TENM3: variants seen among roughly 807,000 people sequenced by gnomAD.
TENM3 encodes the protein teneurin-3.
Under a neutral mutation model 255.1 loss-of-function variants are expected in TENM3, and 63 were observed. The ratio of observed to expected loss-of-function variants is 0.25; its 90% CI spans 0.20 to 0.30. The LOEUF (loss-of-function observed/expected upper bound fraction) is 0.30. Among genes scored for constraint, TENM3 ranks in the 10% least tolerant of loss-of-function variants. The pLI is 1.00. For missense variants in TENM3, 2,929 were observed against 3,461.1 expected (o/e 0.85, Z 3.86); for synonymous variants, 1,306 against 1,322.3 (o/e 0.99, Z 0.27).
At chr4:182,632,551 C>T (rs1050661545) in intron 5 of TENM3, among the ~76,000 whole-genome samples, 1 of 152,116 alleles carries the variant, frequency 6.6e-6, no homozygotes, top group Non-Finnish European at 1.5e-5. Context: ...ATTTGTATTT[C>T]TCTTTTTGTG....
intron 4 of TENM3, among the ~76,000 whole-genome samples, chr4:182,612,479 C>T (rs1172561198): frequency 7.2e-5 from 11 of 152,048 alleles, no homozygotes; most frequent in Non-Finnish European, 1.5e-4. Context: ...CCACGATCAC[C>T]CATGCGTAAA....
At chr4:182,431,859 C>G (rs1771674004) in intron 3 of TENM3, among the ~76,000 whole-genome samples, 1 of 151,866 alleles carries the variant, frequency 6.6e-6, no homozygotes, top group Non-Finnish European at 1.5e-5. Flanking sequence ...GGCAGATCAC[C>G]TGAGGTCAGG....
chr4:181,464,848 G>T, the TENM3 span, among the ~76,000 whole-genome samples: 73,304 of 151,918 alleles, frequency 0.48, 18,620 homozygotes, highest in African/African-American at 0.64. Flanking sequence ...CTACTTGGGA[G>T]GCTGAGGCAG....
intron 3 of TENM3, among the ~76,000 whole-genome samples, chr4:182,457,654 C>T (rs929360618): frequency 6.0e-5 from 9 of 150,930 alleles, no homozygotes; most frequent in African/African-American, 2.2e-4. Context: ...AACTCCTAGG[C>T]ACAAGTGATC....
At chr4:181,908,057 GTATGTT>G in the TENM3 span, among the ~76,000 whole-genome samples, 8 of 151,886 alleles carry the variant, frequency 5.3e-5, no homozygotes, top group African/African-American at 1.7e-4. Context: ...TCAAATGGTC[GTATGTT>G]TATATTTTAT....
chr4:182,083,470 T>C, the TENM3 span, among the ~76,000 whole-genome samples: 1 of 152,198 alleles, frequency 6.6e-6, no homozygotes, highest in Non-Finnish European at 1.5e-5. Flanking sequence ...GTGTTATTGA[T>C]CACCTAATTT....
the TENM3 span, among the ~76,000 whole-genome samples, chr4:181,767,206 G>C: frequency 1.3e-4 from 19 of 147,246 alleles, no homozygotes; most frequent in East Asian, 2.4e-3. Context: ...GAGCCGAGAA[G>C]GTGCCACTGC....
the TENM3 span, among the ~76,000 whole-genome samples, chr4:181,930,807 C>T: frequency 2.0e-5 from 3 of 152,166 alleles, no homozygotes; most frequent in African/African-American, 4.8e-5. Context: ...CATCCAAAAG[C>T]TTATCCACCA....
At chr4:182,182,005 G>A (rs180992780) in intron 1 of TENM3, among the ~76,000 whole-genome samples, 6 of 152,004 alleles carry the variant, frequency 3.9e-5, no homozygotes, top group Non-Finnish European at 7.4e-5. Context: ...GTTCAGGATA[G>A]AAACAGTTTT....
At chr4:182,324,309 C>T (rs1763257600) in intron 2 of TENM3, 57 bp downstream of exon 2, 1 of 1,294,882 alleles carries the variant, frequency 7.7e-7, no homozygotes, top group Non-Finnish European at 1.1e-6. Context: ...TTGTAGGTGT[C>T]GTGATTTTCC....
chr4:181,634,205 C>T, the TENM3 span, among the ~76,000 whole-genome samples: 2 of 152,150 alleles, frequency 1.3e-5, no homozygotes, highest in African/African-American at 2.4e-5. Flanking sequence ...TCCCTTTTAT[C>T]GTTCTTGGCC....
chr4:182,274,960 G>T (rs1358133176), intron 1 of TENM3, among the ~76,000 whole-genome samples: 1 of 152,054 alleles, frequency 6.6e-6, no homozygotes, highest in East Asian at 1.9e-4. Context: ...GCATAGTTCA[G>T]ATTACAGGCA....
At chr4:182,085,751 A>G in the TENM3 span, among the ~76,000 whole-genome samples, 1 of 152,344 alleles carries the variant, frequency 6.6e-6, no homozygotes, top group South Asian at 2.1e-4. Context: ...TACTAAAATA[A>G]TGAAAAACAT....
the TENM3 span, among the ~76,000 whole-genome samples, chr4:181,981,327 G>C: frequency 6.6e-6 from 1 of 152,070 alleles, no homozygotes; most frequent in Non-Finnish European, 1.5e-5. Context: ...TCTCTTACGG[G>C]CTTTGGGGCT....
At chr4:181,483,178 TC>T in the TENM3 span, among the ~76,000 whole-genome samples, 1 of 152,278 alleles carries the variant, frequency 6.6e-6, no homozygotes, top group South Asian at 2.1e-4. Flanking sequence ...CATATATTTC[TC>T]CAGTAGTTTC....
At chr4:181,692,276 C>T in the TENM3 span, among the ~76,000 whole-genome samples, 13 of 152,226 alleles carry the variant, frequency 8.5e-5, no homozygotes, top group South Asian at 2.3e-3. Context: ...GTTGAATAAG[C>T]GTTTGGCATA....
At chr4:181,464,936 A>G in the TENM3 span, among the ~76,000 whole-genome samples, 2 of 152,180 alleles carry the variant, frequency 1.3e-5, no homozygotes, top group East Asian at 1.9e-4. Flanking sequence ...CTGGGCAACA[A>G]GAGTGAAATC....
At chr4:182,500,089 C>T (rs1736168326) in intron 3 of TENM3, among the ~76,000 whole-genome samples, 1 of 152,138 alleles carries the variant, frequency 6.6e-6, no homozygotes, top group Admixed American at 6.5e-5. Flanking sequence ...AGAAGTTGTT[C>T]TGCTGTGTGT....
chr4:181,593,289 G>T, the TENM3 span, among the ~76,000 whole-genome samples: 1 of 152,138 alleles, frequency 6.6e-6, no homozygotes, highest in African/African-American at 2.4e-5. Flanking sequence ...GAACGTGCCT[G>T]GACGCTTCCT....
Sources: gnomAD v4.1 joint callset for allele counts (sites outside exome capture counted in the v4.1 genomes callset) on GRCh38, gnomAD v4.1.1 for gene constraint, MANE v1.5 for transcripts, NCBI Gene and HGNC (gene_info 2026-07-23, HGNC 2026-07-21) for gene names.